Variants in NFE2L2 observed in about 807,000 individuals in gnomAD.
The protein encoded by NFE2L2 is NFE2 like bZIP transcription factor 2.
NFE2L2 carries 20 observed loss-of-function variants against 49.6 expected under a neutral mutation model. That is an observed-to-expected ratio of 0.40 (90% CI 0.28 to 0.59). NFE2L2 has a LOEUF of 0.59. Among genes scored for constraint, NFE2L2 ranks in the 20% least tolerant of loss-of-function variants. The pLI, the probability that NFE2L2 is intolerant of heterozygous loss-of-function variation, is 0.40. For missense variants in NFE2L2, 578 were observed against 714.2 expected, an observed-to-expected ratio of 0.81 and a Z score of 2.17; for synonymous variants, 244 against 256.5, an observed-to-expected ratio of 0.95 and a Z score of 0.47.
At chr2:177,250,509 G>A (rs966269286) in intron 1 of NFE2L2, among the ~76,000 whole-genome samples, 2 of 152,194 alleles carry the variant, frequency 1.3e-5, no homozygotes, top group African/African-American at 4.8e-5. Context: ...TACTTTCTAT[G>A]TGCTCAACAC....
intron 1 of NFE2L2, among the ~76,000 whole-genome samples, chr2:177,244,201 T>C (rs1283710218): frequency 6.6e-6 from 1 of 151,440 alleles, no homozygotes; most frequent in African/African-American, 2.4e-5. Context: ...CTCGGGAGGC[T>C]GAGGCAGGAG....
chr2:177,252,312 C>T (rs1006325194), intron 1 of NFE2L2, among the ~76,000 whole-genome samples: 2 of 152,152 alleles, frequency 1.3e-5, no homozygotes, highest in African/African-American at 2.4e-5. Context: ...CACTTTGTAC[C>T]GTGCCCAGTG....
At chr2:177,247,955 C>T (rs1240230493) in intron 1 of NFE2L2, among the ~76,000 whole-genome samples, 2 of 152,190 alleles carry the variant, frequency 1.3e-5, no homozygotes, top group Non-Finnish European at 2.9e-5. Context: ...ATAGACAAGG[C>T]AGACTTGAAA....
chr2:177,249,955 G>A (rs1000514273), intron 1 of NFE2L2, among the ~76,000 whole-genome samples: 6 of 152,160 alleles, frequency 3.9e-5, no homozygotes, highest in African/African-American at 1.4e-4. Flanking sequence ...CACTCCTTAG[G>A]GGTGACTTTG....
At chr2:177,243,104 G>A (rs1027014903) in intron 1 of NFE2L2, among the ~76,000 whole-genome samples, 1 of 152,148 alleles carries the variant, frequency 6.6e-6, no homozygotes, top group African/African-American at 2.4e-5. Flanking sequence ...CCTCCACAGA[G>A]AGGAACTTCT....
intron 1 of NFE2L2, among the ~76,000 whole-genome samples, chr2:177,237,109 C>T (rs944328402): frequency 1.3e-5 from 2 of 152,194 alleles, no homozygotes; most frequent in Non-Finnish European, 2.9e-5. Context: ...ATTTTCCTGC[C>T]TCAGCTTCCC....
At chr2:177,251,923 G>A (rs564219011) in intron 1 of NFE2L2, among the ~76,000 whole-genome samples, 1 of 149,518 alleles carries the variant, frequency 6.7e-6, no homozygotes, top group East Asian at 2.0e-4. Flanking sequence ...GAAGAATGGC[G>A]TGAACCCGGG....
intron 1 of NFE2L2, among the ~76,000 whole-genome samples, chr2:177,241,432 ACTGT>A (rs745309462): frequency 6.6e-6 from 1 of 152,148 alleles, no homozygotes; most frequent in Non-Finnish European, 1.5e-5. Context: ...TTCCATAGAC[ACTGT>A]CTAAGTATTT....
At chr2:177,238,006 C>G (rs936079504) in intron 1 of NFE2L2, among the ~76,000 whole-genome samples, 1 of 152,170 alleles carries the variant, frequency 6.6e-6, no homozygotes, top group South Asian at 2.1e-4. Context: ...CATGATCCTG[C>G]GATCTTAATT....
chr2:177,263,964 C>A (rs1487121935), intron 1 of NFE2L2: 1 of 984,646 alleles, frequency 1.0e-6, no homozygotes, highest in Non-Finnish European at 1.2e-6. Flanking sequence ...ACAGACGGCC[C>A]AGCGGGGTGA....
rs138012339 is a variant in NFE2L2 at position 177,243,765 on chromosome 2, A to C, written c.46-9494T>G. On this transcript the variant is annotated intron_variant, in intron 1 of 4. Coordinates refer to ENST00000397062, the MANE Select transcript of NFE2L2 (RefSeq NM_006164.5). ...ACTGATCCTCCTGCCTTGGTCTCCCAAAGTGCTGAGATTACAGGCATGAAC... is the reference window on the plus strand; with the variant it reads ...ACTGATCCTCCTGCCTTGGTCTCCCCAAGTGCTGAGATTACAGGCATGAAC... Among the ~76,000 whole-genome samples, 452 of 152,288 alleles carry C rather than the reference A, an allele frequency of 3.0e-3. 8 individuals carry two copies. The East Asian group carries it at 0.045, about 15-fold the overall frequency.
At chr2:177,244,054 A>G (rs2105472480) in intron 1 of NFE2L2, among the ~76,000 whole-genome samples, 1 of 152,096 alleles carries the variant, frequency 6.6e-6, no homozygotes, top group South Asian at 2.1e-4. Flanking sequence ...TAATCCCAGC[A>G]CTTTAGGAGG....
intron 1 of NFE2L2, among the ~76,000 whole-genome samples, chr2:177,254,500 G>A (rs1281332979): frequency 6.6e-6 from 1 of 152,202 alleles, no homozygotes; most frequent in Non-Finnish European, 1.5e-5. Flanking sequence ...TTCCACTGGG[G>A]CGGTTGTATC....
intron 1 of NFE2L2, among the ~76,000 whole-genome samples, chr2:177,235,700 G>C (rs1689726620): frequency 6.6e-6 from 1 of 152,036 alleles, no homozygotes; most frequent in South Asian, 2.1e-4. Context: ...GGTGATACGA[G>C]CCTGTAGTCC....
At chr2:177,240,266 TC>T (rs1247975562) in intron 1 of NFE2L2, among the ~76,000 whole-genome samples, 2 of 151,952 alleles carry the variant, frequency 1.3e-5, no homozygotes, top group African/African-American at 4.8e-5. Flanking sequence ...GAAGTGCAAG[TC>T]CCCCATGGAG....
intron 1 of NFE2L2, among the ~76,000 whole-genome samples, chr2:177,236,084 T>C (rs999114998): frequency 1.3e-5 from 2 of 152,212 alleles, no homozygotes; most frequent in African/African-American, 4.8e-5. Context: ...GTGGGTACAG[T>C]GTAGACACGT....
intron 1 of NFE2L2, among the ~76,000 whole-genome samples, chr2:177,239,192 G>A (rs775341053): frequency 1.3e-5 from 2 of 152,048 alleles, no homozygotes; most frequent in Non-Finnish European, 2.9e-5. Context: ...TCCTGTTCAC[G>A]TTACCTGAAA....
At chr2:177,251,130 G>A (rs543106245) in intron 1 of NFE2L2, among the ~76,000 whole-genome samples, 59 of 152,262 alleles carry the variant, frequency 3.9e-4, no homozygotes, top group African/African-American at 1.3e-3. Context: ...CAACAAAGGT[G>A]GTAAAAATGT....
chr2:177,232,412 A>G lies in NFE2L2; in HGVS notation c.574T>C (p.Leu192=), dbSNP rs775913237. The G allele has an allele frequency of 3.7e-6, 6 of 1,613,550 alleles. No homozygotes were observed. In the East Asian group the frequency reaches 8.9e-5, roughly 24 times the overall value. Residue 192 remains leucine, a synonymous_variant, in exon 4 of 5, where the codon TTA becomes CTA. Coordinates refer to ENST00000397062, the MANE Select transcript of NFE2L2 (RefSeq NM_006164.5). ...GTTACCTGTAACTCAGGAATGGATA[A>G]TAGCTCCTCCCAAACTTGCTCAATG... ...QDIEQVWEEL[L]SIPELQCLNI...
Sources: allele counts gnomAD v4.1 joint callset (sites outside exome capture counted in the v4.1 genomes callset), GRCh38; gene constraint gnomAD v4.1.1; transcripts MANE v1.5; gene names NCBI Gene and HGNC (gene_info 2026-07-23, HGNC 2026-07-21).